GNAI1: variants seen among roughly 807,000 people sequenced by gnomAD.
GNAI1 encodes the protein guanine nucleotide-binding protein G(i) subunit alpha-1.
A neutral mutation model predicts 38.9 loss-of-function variants in GNAI1; 11 were observed. That is an observed-to-expected ratio of 0.28 (90% CI 0.18 to 0.47). The LOEUF (loss-of-function observed/expected upper bound fraction) is 0.47, where lower values mean the gene tolerates loss of function less well. Ranked by LOEUF, GNAI1 falls within the 20% of genes least tolerant of loss-of-function variation. The pLI, the probability that GNAI1 is intolerant of heterozygous loss-of-function variation, is 0.99. For missense variants in GNAI1, 317 were observed against 436.9 expected (o/e 0.73, Z 2.45); for synonymous variants, 166 against 145.1 (o/e 1.14, Z -1.04).
At chr7:80,193,581 A>G (rs1291295207) in intron 3 of GNAI1, among the ~76,000 whole-genome samples, 1 of 152,164 alleles carries the variant, frequency 6.6e-6, no homozygotes, top group Non-Finnish European at 1.5e-5. Flanking sequence ...GAAGCTTTAC[A>G]AAGGGGCCTA....
intron 1 of GNAI1, among the ~76,000 whole-genome samples, chr7:80,167,251 T>G (rs546296579): frequency 6.6e-6 from 1 of 152,320 alleles, no homozygotes; most frequent in East Asian, 1.9e-4. Context: ...ACAAGAAAGT[T>G]TTTCCTTGCA....
intron 7 of GNAI1, among the ~76,000 whole-genome samples, chr7:80,213,716 T>C (rs936910569): frequency 2.6e-5 from 4 of 152,062 alleles, no homozygotes; most frequent in African/African-American, 9.7e-5. Flanking sequence ...GAGTAAAGTT[T>C]TACTTTAGTG....
intron 1 of GNAI1, among the ~76,000 whole-genome samples, chr7:80,152,499 A>T (rs930548107): frequency 1.3e-5 from 2 of 152,156 alleles, no homozygotes; most frequent in African/African-American, 4.8e-5. Context: ...TGTTTTTACA[A>T]AAACGGGTTA....
At chr7:80,140,774 A>G (rs1787511983) in intron 1 of GNAI1, among the ~76,000 whole-genome samples, 1 of 152,252 alleles carries the variant, frequency 6.6e-6, no homozygotes. Flanking sequence ...ACGTAGTGAC[A>G]ACACAAAATT....
At chr7:80,177,888 G>T (rs1314566160) in intron 1 of GNAI1, among the ~76,000 whole-genome samples, 1 of 152,178 alleles carries the variant, frequency 6.6e-6, no homozygotes. Flanking sequence ...GGCTATAGCT[G>T]CCATTAGATA....
intron 3 of GNAI1, among the ~76,000 whole-genome samples, chr7:80,194,584 ATT>A (rs1469723657): frequency 6.6e-6 from 1 of 152,098 alleles, no homozygotes; most frequent in African/African-American, 2.4e-5. Context: ...GAATTTTAAC[ATT>A]TGTTTCTGTG....
In GNAI1 at chr7:80,137,510, G is replaced by A. The variant is rs137886576; in HGVS notation, c.118+2232G>A. On this transcript the variant is annotated intron_variant, in intron 1 of 7. Coordinates refer to ENST00000649796, the MANE Select transcript of GNAI1 (RefSeq NM_002069.6). ...TAATTTTGTATTTTTAGTAGAGACC[G>A]GGTTTCACCATGTTGGCCACGCTGG... Among the ~76,000 whole-genome samples, 946 of 151,652 alleles carry A rather than the reference G, an allele frequency of 6.2e-3. 15 individuals carry two copies. The highest frequency in any genetic ancestry group is 0.022 in the African/African-American group (907 of 41,320).
Position 80,216,449 on chromosome 7 carries a change from C to T in GNAI1, c.875-854C>T, listed in dbSNP as rs1177055908. Reference sequence around the variant, plus strand: ...GAAATATACACCCACTTCACATGTTCCACAGACACTATTGGTGAGGTTTTT... The same window carrying T: ...GAAATATACACCCACTTCACATGTTTCACAGACACTATTGGTGAGGTTTTT... On this transcript the variant is annotated intron_variant, in intron 7 of 7. Transcript: ENST00000649796. Among the ~76,000 whole-genome samples, 6 of 152,250 alleles carry T rather than the reference C, an allele frequency of 3.9e-5. No individual in the cohort carries two copies. In the East Asian group the frequency reaches 1.2e-3, roughly 29 times the overall value.
At chr7:80,170,065 A>G (rs1788075002) in intron 1 of GNAI1, among the ~76,000 whole-genome samples, 1 of 152,106 alleles carries the variant, frequency 6.6e-6, no homozygotes, top group African/African-American at 2.4e-5. Context: ...TTACCTCTTT[A>G]TCCGTTGATG....
chr7:80,151,965 G>A (rs1344738177), intron 1 of GNAI1, among the ~76,000 whole-genome samples: 16 of 152,160 alleles, frequency 1.1e-4, no homozygotes, highest in Non-Finnish European at 2.1e-4. Context: ...CTATTAAAGG[G>A]CACAAGCAAG....
Position 80,199,108 on chromosome 7 carries a change from T to C in GNAI1, c.304-117T>C, listed in dbSNP as rs896936018. ...AGAAAGAAAAGTAATGACGTGTTAATAAAAACAAAGGAAGTTCGCTATTGC... is the reference window on the plus strand; with the variant it reads ...AGAAAGAAAAGTAATGACGTGTTAACAAAAACAAAGGAAGTTCGCTATTGC... On this transcript the variant is annotated intron_variant, in intron 3 of 7. Coordinates refer to ENST00000649796, the MANE Select transcript of GNAI1 (RefSeq NM_002069.6). 3.8e-5 allele frequency: 27 copies of C among 708,636 alleles called. No individual in the cohort carries two copies. In the African/African-American group the frequency reaches 4.8e-4, roughly 13 times the overall value. 43.9% of individuals were successfully genotyped at this position (708,636 alleles called of 1,614,324 possible).
At chr7:80,195,879 G>C (rs1788561051) in intron 3 of GNAI1, among the ~76,000 whole-genome samples, 2 of 151,792 alleles carry the variant, frequency 1.3e-5, no homozygotes, top group Non-Finnish European at 2.9e-5. Context: ...GATGAACTCT[G>C]ATATCTTTTG....
chr7:80,224,780 TTAG>T lies in GNAI1; in HGVS notation c.*7289_*7291del, dbSNP rs1789132280. ...AGCTAGTCCAAAGTGAGTTGGCCTA[TTAG>T]TGTAAAATACAAGAGTTCAGATACA... On this transcript the variant is annotated 3_prime_UTR_variant, in exon 8 of 8. Transcript: ENST00000649796. 6.6e-6 allele frequency among the ~76,000 whole-genome samples: 1 copy of T among 152,210 alleles called. No individual in the cohort carries two copies. Among genetic ancestry groups the T allele is most frequent in the South Asian group, 2.1e-4 (1 of 4,826 alleles).
intron 1 of GNAI1, among the ~76,000 whole-genome samples, chr7:80,186,607 G>C (rs546637835): frequency 1.3e-5 from 2 of 152,148 alleles, no homozygotes; most frequent in East Asian, 3.9e-4. Context: ...AAACTCACGA[G>C]CTTACATCAC....
intron 1 of GNAI1, among the ~76,000 whole-genome samples, chr7:80,171,927 G>C (rs1258223652): frequency 6.6e-6 from 1 of 152,030 alleles, no homozygotes; most frequent in Non-Finnish European, 1.5e-5. Flanking sequence ...TGCCCTTCCT[G>C]GAAAAATGTC....
chr7:80,141,189 C>T (rs954926749), intron 1 of GNAI1, among the ~76,000 whole-genome samples: 2 of 152,190 alleles, frequency 1.3e-5, no homozygotes, highest in Non-Finnish European at 2.9e-5. Flanking sequence ...ATTTTGCCTT[C>T]CACAGTCCGC....
intron 5 of GNAI1, among the ~76,000 whole-genome samples, chr7:80,206,491 A>G (rs1788779790): frequency 6.6e-6 from 1 of 152,100 alleles, no homozygotes; most frequent in Non-Finnish European, 1.5e-5. Context: ...GTAATCAGAT[A>G]TGTCTGATCT....
At chr7:80,154,301 A>G (rs1050672354) in intron 1 of GNAI1, among the ~76,000 whole-genome samples, 1 of 152,206 alleles carries the variant, frequency 6.6e-6, no homozygotes, top group Non-Finnish European at 1.5e-5. Context: ...CTTGTGTTTA[A>G]TAGAGTTCTC....
intron 4 of GNAI1, among the ~76,000 whole-genome samples, chr7:80,199,946 T>G (rs1235357525): frequency 6.6e-6 from 1 of 152,040 alleles, no homozygotes; most frequent in Non-Finnish European, 1.5e-5. Context: ...TTAAGTACAG[T>G]TTTTTGGAAG....
Sources: allele counts gnomAD v4.1 joint callset (sites outside exome capture counted in the v4.1 genomes callset), GRCh38; gene constraint gnomAD v4.1.1; transcripts MANE v1.5; gene names NCBI Gene and HGNC (gene_info 2026-07-23, HGNC 2026-07-21).